Variants in KIRREL3 observed in about 807,000 individuals in gnomAD.
KIRREL3 encodes kirre like nephrin family adhesion molecule 3, also known as kin of IRRE-like protein 3.
In KIRREL3, 36 loss-of-function variants were observed where a neutral mutation model predicts 89.7. The observed-to-expected ratio is 0.40, with a 90% CI of 0.31 to 0.53. The LOEUF (loss-of-function observed/expected upper bound fraction) is 0.53. KIRREL3 is among the 20% of genes least tolerant of loss of function. The pLI is 0.49. For synonymous variants in KIRREL3, 445 were observed against 441.4 expected (o/e 1.01, Z -0.10); for missense variants, 864 against 1,056.6 (o/e 0.82, Z 2.53).
rs766222687 is a variant in KIRREL3, at chr11:126,462,888, G to A, written c.742+269C>T. 6.6e-6 allele frequency among the ~76,000 whole-genome samples: 1 copy of A among 152,174 alleles called. No homozygotes were observed. The highest frequency in any genetic ancestry group is 1.5e-5 in the Non-Finnish European group (1 of 68,028). ...AGGCCAGCAGAGGCAGCAGCTGACC[G>A]TATTTATTGGTGTGAAAGTCCCACC... is the stretch of plus-strand genomic sequence containing the variant. On this transcript the variant is annotated intron_variant, in intron 6 of 16. Transcript: ENST00000525144. This position sits in a 1 kb window ranked among gnomAD's most constrained non-coding sequence, Gnocchi z 4.8.
intron 1 of KIRREL3, among the ~76,000 whole-genome samples, chr11:126,803,073 T>C (rs1275669379): frequency 6.6e-6 from 1 of 152,200 alleles, no homozygotes; most frequent in African/African-American, 2.4e-5. Flanking sequence ...TTCCAGGTGC[T>C]TTGAGGAACT....
chr11:126,807,002 G>A lies in KIRREL3; in HGVS notation c.55+193453C>T, dbSNP rs961156629. 1.3e-5 allele frequency among the ~76,000 whole-genome samples: 2 copies of A among 152,260 alleles called. No homozygotes were observed. The highest frequency in any genetic ancestry group is 1.9e-4 in the East Asian group (1 of 5,180). On this transcript the variant is annotated intron_variant, in intron 1 of 16. Coordinates refer to ENST00000525144, the MANE Select transcript of KIRREL3 (RefSeq NM_032531.4). This position sits in a 1 kb window ranked among gnomAD's most constrained non-coding sequence, Gnocchi z 4.3. ...CCAGTTTCATCCATGTCCCTGCAAAGGACATGAATTCACTCTTTTTTATGA... is the reference window on the plus strand; with the variant it reads ...CCAGTTTCATCCATGTCCCTGCAAAAGACATGAATTCACTCTTTTTTATGA...
At chr11:126,654,778 CT>C (rs1945060357) in intron 1 of KIRREL3, among the ~76,000 whole-genome samples, 1 of 152,080 alleles carries the variant, frequency 6.6e-6, no homozygotes, top group Non-Finnish European at 1.5e-5. Context: ...TGCTTCAATG[CT>C]TTTCAACCAT....
At chr11:126,478,908 G>A (rs934479950) in intron 4 of KIRREL3, among the ~76,000 whole-genome samples, 1 of 152,152 alleles carries the variant, frequency 6.6e-6, no homozygotes, top group African/African-American at 2.4e-5. Flanking sequence ...GGAACTCTGC[G>A]CTGCTGTGGC....
chr11:126,863,030 A>C (rs1366792920), intron 1 of KIRREL3, among the ~76,000 whole-genome samples: 1 of 152,142 alleles, frequency 6.6e-6, no homozygotes, highest in East Asian at 1.9e-4. Context: ...AGGGAGTGTG[A>C]TGGTTAGGGA....
Position 126,976,500 on chromosome 11 carries a change from C to A in KIRREL3, c.55+23955G>T, listed in dbSNP as rs1461983462. Among the ~76,000 whole-genome samples, 2 of 152,132 alleles carry A rather than the reference C, an allele frequency of 1.3e-5. No homozygotes were observed. The highest frequency in any genetic ancestry group is 2.9e-5 in the Non-Finnish European group (2 of 68,014). On this transcript the variant is annotated intron_variant, in intron 1 of 16. Coordinates refer to ENST00000525144, the MANE Select transcript of KIRREL3 (RefSeq NM_032531.4). The surrounding 1 kb of genome is among the most constrained non-coding windows in gnomAD (Gnocchi z 4.2). ...AATTTTACTTTTTTAAAAAGTGTGA[C>A]ATTTTTCCAGACTCTCCTATTTTGC...
At chr11:126,952,968 C>G (rs1453406097) in intron 1 of KIRREL3, among the ~76,000 whole-genome samples, 1 of 152,198 alleles carries the variant, frequency 6.6e-6, no homozygotes. Context: ...TTTGACCCAG[C>G]AATCCCATTA....
intron 1 of KIRREL3, among the ~76,000 whole-genome samples, chr11:126,984,201 T>C (rs1406871326): frequency 1.3e-5 from 2 of 152,156 alleles, no homozygotes; most frequent in African/African-American, 4.8e-5. Context: ...GTGCCCTTCA[T>C]AGAGTTTCAA....
At chr11:126,451,409 T>A (rs940836614) in intron 7 of KIRREL3, among the ~76,000 whole-genome samples, 5 of 110,118 alleles carry the variant, frequency 4.5e-5, no homozygotes, top group Admixed American at 2.7e-4. Context: ...CATGTGTGCA[T>A]GTGTGTGCAT....
At chr11:126,671,001 A>G (rs1463630563) in intron 1 of KIRREL3, among the ~76,000 whole-genome samples, 1 of 152,216 alleles carries the variant, frequency 6.6e-6, no homozygotes, top group African/African-American at 2.4e-5. Context: ...GTGGAACAGG[A>G]TAGAGAGCCC....
chr11:126,772,383 G>T lies in KIRREL3; in HGVS notation c.56-209471C>A, dbSNP rs1286110253. Among the ~76,000 whole-genome samples the T allele has an allele frequency of 1.3e-5, 2 of 152,170 alleles. No individual in the cohort carries two copies. The highest frequency in any genetic ancestry group is 2.9e-5 in the Non-Finnish European group (2 of 68,026). ...GACAGGCATGCAGGTGGAATGCCAG[G>T]CTCAGCGGCACCACGTGGTGCGGGG... On this transcript the variant is annotated intron_variant, in intron 1 of 16. Coordinates refer to ENST00000525144, the MANE Select transcript of KIRREL3 (RefSeq NM_032531.4). The surrounding 1 kb of genome is among the most constrained non-coding windows in gnomAD (Gnocchi z 4.6).
intron 1 of KIRREL3, among the ~76,000 whole-genome samples, chr11:126,590,496 A>C (rs1045900699): frequency 7.2e-5 from 11 of 152,048 alleles, no homozygotes; most frequent in African/African-American, 2.7e-4. Context: ...AGCGGTCCCC[A>C]CCTCAAGGGC....
intron 1 of KIRREL3, among the ~76,000 whole-genome samples, chr11:126,833,379 A>G (rs1943674308): frequency 6.6e-6 from 1 of 152,224 alleles, no homozygotes. Context: ...CAGTTTGCCC[A>G]CTGCAGGTCT....
chr11:126,753,109 A>T (rs1949387223), intron 1 of KIRREL3, among the ~76,000 whole-genome samples: 1 of 152,242 alleles, frequency 6.6e-6, no homozygotes, highest in Non-Finnish European at 1.5e-5. Context: ...CTCGAGGACC[A>T]GCACTCGTCC....
chr11:126,732,297 T>G (rs1317838911), intron 1 of KIRREL3, among the ~76,000 whole-genome samples: 1 of 152,216 alleles, frequency 6.6e-6, no homozygotes, highest in Non-Finnish European at 1.5e-5. Flanking sequence ...AATGTATACA[T>G]CATTTGATGA....
At position 126,906,861 on chromosome 11, in the gene KIRREL3, C is replaced by T. The variant is rs977856774; in HGVS notation, c.55+93594G>A. On this transcript the variant is annotated intron_variant, in intron 1 of 16. Transcript: ENST00000525144. The surrounding 1 kb of genome is among the most constrained non-coding windows in gnomAD (Gnocchi z 4.1). ...CTTTCTGAGGTCCATGAAGGGAAGT[C>T]AGAGTGGCTTGGCTGAGCCCTACAT... is the stretch of plus-strand genomic sequence containing the variant. Among the ~76,000 whole-genome samples the T allele has an allele frequency of 6.6e-6, 1 of 152,202 alleles. No homozygotes were observed. The highest frequency in any genetic ancestry group is 1.5e-5 in the Non-Finnish European group (1 of 68,034).
At position 126,555,477 on chromosome 11, in the gene KIRREL3, G is replaced by A. The variant is rs1939632163; in HGVS notation, c.133+7358C>T. The stretch of plus-strand genomic sequence containing the variant: ...GACTGAGGAGGGATGGGTCAGTGGA[G>A]GCATCACTGGAGCAGAGACTTGAGC... On this transcript the variant is annotated intron_variant, in intron 2 of 16. Coordinates refer to ENST00000525144, the MANE Select transcript of KIRREL3 (RefSeq NM_032531.4). The surrounding 1 kb of genome is among the most constrained non-coding windows in gnomAD (Gnocchi z 4.2). Among the ~76,000 whole-genome samples, 2 of 152,190 alleles carry A rather than the reference G, an allele frequency of 1.3e-5. No homozygotes were observed.
At chr11:126,885,181 C>A (rs1004876692) in intron 1 of KIRREL3, among the ~76,000 whole-genome samples, 40 of 152,232 alleles carry the variant, frequency 2.6e-4, no homozygotes, top group African/African-American at 9.1e-4. Context: ...CTTACTTTTC[C>A]ATTTTTTACA....
rs191235870 is a variant in KIRREL3, at chr11:126,569,945, C to T, written c.56-7033G>A. On this transcript the variant is annotated intron_variant, in intron 1 of 16. Coordinates refer to ENST00000525144, the MANE Select transcript of KIRREL3 (RefSeq NM_032531.4). This position sits in a 1 kb window ranked among gnomAD's most constrained non-coding sequence, Gnocchi z 6.5. Reference sequence around the variant, plus strand: ...GATTCTGCTAAACTGCTTTCTGCATCGGTTCTGCCTACTCCTATTTTCAGC... The same window carrying T: ...GATTCTGCTAAACTGCTTTCTGCATTGGTTCTGCCTACTCCTATTTTCAGC... Among the ~76,000 whole-genome samples the T allele has an allele frequency of 1.1e-3, 175 of 152,218 alleles. 2 individuals carry two copies. Among genetic ancestry groups the T allele is most frequent in the Admixed American group, 0.011 (172 of 15,286 alleles).
Sources: gnomAD v4.1 joint callset for allele counts (sites outside exome capture counted in the v4.1 genomes callset) on GRCh38, gnomAD v4.1.1 for gene constraint, Gnocchi (gnomAD v3.1) non-coding constraint, MANE v1.5 for transcripts, NCBI Gene and HGNC (gene_info 2026-07-23, HGNC 2026-07-21) for gene names.